MDFIC: variants seen among roughly 807,000 people sequenced by gnomAD.
The protein encoded by MDFIC is MyoD family inhibitor domain containing, also known as myoD family inhibitor domain-containing protein.
MDFIC carries 17 observed loss-of-function variants against 23.2 expected under a neutral mutation model. That is an observed-to-expected ratio of 0.73 (90% confidence interval 0.50 to 1.10). The LOEUF (loss-of-function observed/expected upper bound fraction) is 1.10, where lower values mean the gene tolerates loss of function less well. Ranked by LOEUF, MDFIC falls within the 50% of genes least tolerant of loss-of-function variation. The pLI is 0.00. For missense variants in MDFIC, 356 were observed against 316.6 expected (o/e 1.12, Z -0.95); for synonymous variants, 120 against 115.2 (o/e 1.04, Z -0.27).
intron 3 of MDFIC, among the ~76,000 whole-genome samples, chr7:114,964,275 C>A (rs1271777419): frequency 2.0e-5 from 3 of 152,124 alleles, no homozygotes; most frequent in African/African-American, 7.2e-5. Context: ...TTGAAAGAGG[C>A]AGACACTTGC....
chr7:114,937,963 T>C (rs1230716495), intron 2 of MDFIC, among the ~76,000 whole-genome samples: 1 of 152,228 alleles, frequency 6.6e-6, no homozygotes, highest in African/African-American at 2.4e-5. Flanking sequence ...ATTTCATATA[T>C]ATGTATTTTT....
At chr7:114,966,984 A>T (rs1003825810) in intron 3 of MDFIC, among the ~76,000 whole-genome samples, 1 of 152,186 alleles carries the variant, frequency 6.6e-6, no homozygotes, top group African/African-American at 2.4e-5. Flanking sequence ...TTTTTTAAAA[A>T]AATATATCTA....
At position 115,015,844 on chromosome 7, in the gene MDFIC, A is replaced by T; in HGVS notation, c.650A>T (p.Asp217Val). 6.2e-7 allele frequency: 1 copy of T among 1,614,182 alleles called. No individual in the cohort carries two copies. Residue 217 changes from aspartate to valine, a missense_variant, in exon 5 of 5, where the codon GAT becomes GTT. Asp to Val is a radical substitution (Grantham distance 152). Coordinates refer to ENST00000393486, the MANE Select transcript of MDFIC (RefSeq NM_001166345.3). ...EMGDDCNCPC[D>V]MDCGIMDACC... is the part of the protein sequence containing the mutation. ...GGGGATGATTGTAACTGCCCTTGTG[A>T]TATGGACTGTGGCATCATGGATGCC...
At chr7:114,949,367 G>A (rs1446644431) in intron 3 of MDFIC, among the ~76,000 whole-genome samples, 2 of 152,248 alleles carry the variant, frequency 1.3e-5, no homozygotes, top group East Asian at 3.9e-4. Context: ...TTGGGAACTG[G>A]CTTAGAGATC....
intron 2 of MDFIC, among the ~76,000 whole-genome samples, chr7:114,937,699 A>G (rs1792454372): frequency 6.6e-6 from 1 of 152,138 alleles, no homozygotes; most frequent in Admixed American, 6.6e-5. Flanking sequence ...TGGTCTTCCC[A>G]GTGAGAGGAT....
Position 114,958,157 on chromosome 7 carries a change from C to T in MDFIC, c.217+15760C>T, listed in dbSNP as rs116638871. Among the ~76,000 whole-genome samples the T allele has an allele frequency of 7.7e-3, 1,165 of 152,272 alleles. 15 individuals are homozygous for T. Among genetic ancestry groups the T allele is most frequent in the African/African-American group, 0.027 (1,128 of 41,560 alleles). On this transcript the variant is annotated intron_variant, in intron 3 of 4. Transcript: ENST00000393486. ...GAAGAAACTGCCTCTGTGGAAGGAA[C>T]TATTTAGCTACCAGGAATAAATATC...
At chr7:114,927,232 C>T (rs980574382) in intron 2 of MDFIC, among the ~76,000 whole-genome samples, 1 of 152,108 alleles carries the variant, frequency 6.6e-6, no homozygotes, top group African/African-American at 2.4e-5. Flanking sequence ...TAATCAAGCT[C>T]CAGGTGCTCC....
chr7:114,925,022 A>G (rs1235346386), intron 2 of MDFIC, among the ~76,000 whole-genome samples: 1 of 152,184 alleles, frequency 6.6e-6, no homozygotes, highest in Non-Finnish European at 1.5e-5. Flanking sequence ...TCTGAAGAAT[A>G]GCTTAATAAT....
At chr7:114,948,211 T>C (rs765147979) in intron 3 of MDFIC, among the ~76,000 whole-genome samples, 2 of 27,546 alleles carry the variant, frequency 7.3e-5, no homozygotes, top group Admixed American at 6.6e-4. Context: ...CACTACAGTA[T>C]TCCATTTATT....
intron 4 of MDFIC, among the ~76,000 whole-genome samples, chr7:115,013,690 C>A (rs1791729698): frequency 6.6e-6 from 1 of 152,162 alleles, no homozygotes; most frequent in Non-Finnish European, 1.5e-5. Flanking sequence ...CTGTTTATAA[C>A]ATTACAAATA....
At chr7:114,938,743 C>G (rs1388303836) in intron 2 of MDFIC, among the ~76,000 whole-genome samples, 2 of 152,148 alleles carry the variant, frequency 1.3e-5, no homozygotes, top group Non-Finnish European at 2.9e-5. Context: ...AAGGTACAGA[C>G]TGATTTCATA....
chr7:114,977,501 G>C (rs562891444), intron 3 of MDFIC, among the ~76,000 whole-genome samples: 2 of 152,182 alleles, frequency 1.3e-5, no homozygotes, highest in African/African-American at 4.8e-5. Context: ...CCACCACCCT[G>C]GTGTGGCTAA....
intron 3 of MDFIC, among the ~76,000 whole-genome samples, chr7:114,975,994 A>G (rs903568073): frequency 1.3e-5 from 2 of 152,142 alleles, no homozygotes; most frequent in Non-Finnish European, 2.9e-5. Flanking sequence ...AGAAATGGAT[A>G]TCATTTTAAA....
At chr7:114,961,440 TTAA>T (rs1335803991) in intron 3 of MDFIC, among the ~76,000 whole-genome samples, 1 of 152,102 alleles carries the variant, frequency 6.6e-6, no homozygotes, top group Non-Finnish European at 1.5e-5. Context: ...ACTAGTATAG[TTAA>T]TAATTGTTGG....
chr7:114,944,607 C>T (rs771735194), intron 3 of MDFIC, among the ~76,000 whole-genome samples: 18 of 152,238 alleles, frequency 1.2e-4, no homozygotes, highest in Non-Finnish European at 4.4e-5. Flanking sequence ...ATTAAACTCT[C>T]AGAGCTGCCT....
At position 114,962,084 on chromosome 7, in the gene MDFIC, AT is replaced by A. The variant is rs545711775; in HGVS notation, c.218-17415del. Among the ~76,000 whole-genome samples, 307 of 152,202 alleles carry A rather than the reference AT, an allele frequency of 2.0e-3. 3 individuals carry two copies. Among genetic ancestry groups the A allele is most frequent in the Non-Finnish European group, 3.4e-3 (234 of 68,004 alleles). On this transcript the variant is annotated intron_variant, in intron 3 of 4. Transcript: ENST00000393486. The stretch of plus-strand genomic sequence containing the variant: ...GGGTTCTTACATAGATTCTTTCCAG[AT>A]TTTTTTCTAGATATCATGTCATATA...
At chr7:114,944,226 G>C (rs1792602773) in intron 3 of MDFIC, among the ~76,000 whole-genome samples, 1 of 152,164 alleles carries the variant, frequency 6.6e-6, no homozygotes, top group Non-Finnish European at 1.5e-5. Context: ...GGAATGAAGA[G>C]ATACAGAAAT....
chr7:114,924,938 G>A (rs1043451909), intron 2 of MDFIC, among the ~76,000 whole-genome samples: 1 of 152,082 alleles, frequency 6.6e-6, no homozygotes, highest in Admixed American at 6.5e-5. Flanking sequence ...TTGCTCGAAG[G>A]CCACTCTACT....
At chr7:114,964,182 G>T (rs1323577434) in intron 3 of MDFIC, among the ~76,000 whole-genome samples, 1 of 152,044 alleles carries the variant, frequency 6.6e-6, no homozygotes, top group African/African-American at 2.4e-5. Context: ...GAATACATTT[G>T]ACATTGTCAT....
Sources: gnomAD v4.1 joint callset for allele counts (sites outside exome capture counted in the v4.1 genomes callset) on GRCh38, gnomAD v4.1.1 for gene constraint, MANE v1.5 for transcripts, NCBI Gene and HGNC (gene_info 2026-07-23, HGNC 2026-07-21) for gene names.